The following BMP5 variants were observed in gnomAD, a reference collection of about 807,000 sequenced individuals.
The protein encoded by BMP5 is bone morphogenetic protein 5.
Under a neutral mutation model 46.6 loss-of-function variants are expected in BMP5, and 23 were observed. The ratio of observed to expected loss-of-function variants is 0.49; its 90% CI spans 0.35 to 0.70. The LOEUF (loss-of-function observed/expected upper bound fraction) is 0.70. BMP5 is among the 30% of genes least tolerant of loss of function. BMP5 has a pLI of 0.00. For synonymous variants in BMP5, 204 were observed against 191.9 expected, an observed-to-expected ratio of 1.06 and a Z score of -0.52; for missense variants, 545 against 565.6, an observed-to-expected ratio of 0.96 and a Z score of 0.37.
At chr6:55,791,589 G>C in intron 3 of BMP5, among the ~76,000 whole-genome samples, 1 of 151,994 alleles carries the variant, frequency 6.6e-6, no homozygotes, top group East Asian at 1.9e-4. Flanking sequence ...ATTAATCATA[G>C]AGAAAGGGAA....
chr6:55,763,035 A>AAAG (rs1774824996), intron 4 of BMP5, among the ~76,000 whole-genome samples: 1 of 152,182 alleles, frequency 6.6e-6, no homozygotes, highest in Admixed American at 6.5e-5. Flanking sequence ...TTTCAAATGT[A>AAAG]AAGACCACTC....
rs545523378 is a variant in BMP5 at position 55,810,051 on chromosome 6, A to G, written c.683+9604T>C. 3.9e-5 allele frequency among the ~76,000 whole-genome samples: 6 copies of G among 152,306 alleles called. No individual in the cohort carries two copies. The South Asian group carries it at 1.2e-3, about 32-fold the overall frequency. ...ATACCATCATATTATTCAAGAGACT[A>G]CAAATTAATAATGGTAAATTCTAGA... is the stretch of plus-strand genomic sequence containing the variant. On this transcript the variant is annotated intron_variant, in intron 2 of 6. Coordinates refer to ENST00000370830, the MANE Select transcript of BMP5 (RefSeq NM_021073.4).
intron 1 of BMP5, among the ~76,000 whole-genome samples, chr6:55,872,479 G>T (rs1777809255): frequency 6.6e-6 from 1 of 151,394 alleles, no homozygotes; most frequent in African/African-American, 2.4e-5. Flanking sequence ...ATTATAATCT[G>T]AACAATGTAA....
At chr6:55,786,455 A>G (rs1398311123) in intron 3 of BMP5, among the ~76,000 whole-genome samples, 1 of 151,572 alleles carries the variant, frequency 6.6e-6, no homozygotes, top group Non-Finnish European at 1.5e-5. Flanking sequence ...TTCTAAGGCC[A>G]TTGGCTTCCA....
At chr6:55,788,869 T>C (rs1200688629) in intron 3 of BMP5, among the ~76,000 whole-genome samples, 1 of 151,940 alleles carries the variant, frequency 6.6e-6, no homozygotes, top group Non-Finnish European at 1.5e-5. Context: ...AAATTCTAAG[T>C]TACTGTAAGC....
Position 55,755,687 on chromosome 6 carries a change from G to T in BMP5, c.1216-5C>A, listed in dbSNP as rs1341019423. ...GTCAGGAAACATCAGATGAACCTGG[G>T]AAAGAAAAAAGGTTTTGTTTTATTA... On this transcript the variant is annotated splice_region_variant and splice_polypyrimidine_tract_variant and intron_variant, in intron 6 of 6. Coordinates refer to ENST00000370830, the MANE Select transcript of BMP5 (RefSeq NM_021073.4). The T allele has an allele frequency of 1.2e-6, 2 of 1,610,198 alleles. No homozygotes were observed. The highest frequency in any genetic ancestry group is 8.5e-7 in the Non-Finnish European group (1 of 1,177,782).
intron 4 of BMP5, chr6:55,772,831 G>A (rs1775078961): frequency 1.0e-6 from 1 of 984,978 alleles, no homozygotes. Context: ...CACACAAATA[G>A]GACTTCTAAC....
chr6:55,809,033 G>A (rs1397792817), intron 2 of BMP5, among the ~76,000 whole-genome samples: 1 of 151,972 alleles, frequency 6.6e-6, no homozygotes, highest in Non-Finnish European at 1.5e-5. Flanking sequence ...GCTATACTCA[G>A]GCTTTACTTA....
intron 3 of BMP5, among the ~76,000 whole-genome samples, chr6:55,788,181 C>T (rs1438131482): frequency 6.6e-6 from 1 of 151,488 alleles, no homozygotes; most frequent in African/African-American, 2.4e-5. Context: ...TAATGTTGGC[C>T]AGCCTTTAAT....
At chr6:55,807,391 C>G (rs9475412) in intron 2 of BMP5, among the ~76,000 whole-genome samples, 7,434 of 152,266 alleles carry the variant, frequency 0.049, 608 homozygotes, top group African/African-American at 0.17. Flanking sequence ...GTTGAACCAG[C>G]CTTGCATCCC....
At chr6:55,784,878 T>C (rs538100550) in intron 3 of BMP5, among the ~76,000 whole-genome samples, 2 of 152,008 alleles carry the variant, frequency 1.3e-5, no homozygotes, top group East Asian at 3.9e-4. Context: ...ATTTAATTTG[T>C]AAGAGTCAGC....
chr6:55,855,276 G>C (rs922868690), intron 1 of BMP5, among the ~76,000 whole-genome samples: 2 of 151,608 alleles, frequency 1.3e-5, no homozygotes, highest in African/African-American at 4.8e-5. Context: ...GGGGGAGAGT[G>C]TGGAAGGTCG....
chr6:55,774,765 G>A (rs1775131610), intron 3 of BMP5, among the ~76,000 whole-genome samples: 1 of 151,946 alleles, frequency 6.6e-6, no homozygotes, highest in Non-Finnish European at 1.5e-5. Context: ...TTACTAAGCT[G>A]CACTACACTT....
intron 2 of BMP5, among the ~76,000 whole-genome samples, chr6:55,799,365 T>G (rs975288956): frequency 3.3e-5 from 5 of 152,180 alleles, no homozygotes; most frequent in African/African-American, 1.2e-4. Context: ...AGTGTTAATT[T>G]TGTATTTACA....
intron 1 of BMP5, among the ~76,000 whole-genome samples, chr6:55,860,875 T>C (rs1341518150): frequency 1.3e-5 from 2 of 152,226 alleles, no homozygotes; most frequent in East Asian, 1.9e-4. Context: ...TATTTTCTTT[T>C]GGAAAACAAA....
chr6:55,811,989 T>C (rs1183428461), intron 2 of BMP5, among the ~76,000 whole-genome samples: 3 of 152,190 alleles, frequency 2.0e-5, no homozygotes, highest in Non-Finnish European at 2.9e-5. Flanking sequence ...AGGCCCTATT[T>C]ACTCGGCCTT....
At chr6:55,825,885 C>T (rs190560123) in intron 1 of BMP5, among the ~76,000 whole-genome samples, 3 of 151,892 alleles carry the variant, frequency 2.0e-5, no homozygotes, top group Admixed American at 2.0e-4. Context: ...CTCCCAGGAG[C>T]CTAGCCAGCT....
At chr6:55,858,273 T>C (rs953664460) in intron 1 of BMP5, among the ~76,000 whole-genome samples, 2 of 152,192 alleles carry the variant, frequency 1.3e-5, no homozygotes, top group African/African-American at 4.8e-5. Context: ...TAGGATGACT[T>C]TGAGCAATTA....
chr6:55,841,916 C>CAGAG (rs143400522), intron 1 of BMP5, among the ~76,000 whole-genome samples: 40,322 of 146,760 alleles, frequency 0.27, 5,499 homozygotes, highest in Non-Finnish European at 0.32. Context: ...GAGAGAGAGA[C>CAGAG]AGAGAGAGAG....
Sources: allele counts gnomAD v4.1 joint callset (sites outside exome capture counted in the v4.1 genomes callset), GRCh38; gene constraint gnomAD v4.1.1; transcripts MANE v1.5; gene names NCBI Gene and HGNC (gene_info 2026-07-23, HGNC 2026-07-21).